The following TRPM3 variants were observed in gnomAD, a reference collection of about 807,000 sequenced individuals.
TRPM3 encodes the protein long transient receptor potential channel 3.
A neutral mutation model predicts 181.2 loss-of-function variants in TRPM3; 77 were observed. That is an observed-to-expected ratio of 0.42 (90% CI 0.35 to 0.51). TRPM3 has a LOEUF of 0.51. TRPM3 is among the 20% of genes least tolerant of loss of function. The pLI, the probability that TRPM3 is intolerant of heterozygous loss-of-function variation, is 0.01. For missense variants in TRPM3, 1,759 were observed against 2,196.7 expected (o/e 0.80, Z 3.98); for synonymous variants, 745 against 796.4 (o/e 0.94, Z 1.09).
chr9:71,327,568 C>T (rs1200605035), intron 1 of TRPM3, among the ~76,000 whole-genome samples: 1 of 152,166 alleles, frequency 6.6e-6, no homozygotes, highest in Non-Finnish European at 1.5e-5. Flanking sequence ...CAATACAAAT[C>T]ACGTAATGGT....
chr9:71,304,579 A>G (rs2087088711), intron 1 of TRPM3, among the ~76,000 whole-genome samples: 1 of 152,172 alleles, frequency 6.6e-6, no homozygotes, highest in South Asian at 2.1e-4. Flanking sequence ...ATTAAGCCTA[A>G]ATGAATTATT....
chr9:70,661,622 A>G (rs1037260850), intron 9 of TRPM3, among the ~76,000 whole-genome samples: 2 of 152,182 alleles, frequency 1.3e-5, no homozygotes, highest in Non-Finnish European at 2.9e-5. Flanking sequence ...TACAAAAATC[A>G]GTAACACTGG....
At chr9:71,008,256 C>T (rs759234106) in intron 1 of TRPM3, among the ~76,000 whole-genome samples, 1 of 151,796 alleles carries the variant, frequency 6.6e-6, no homozygotes, top group Non-Finnish European at 1.5e-5. Context: ...TAACGAGTAA[C>T]AAGAATGAAG....
chr9:70,796,690 A>G lies in TRPM3; in HGVS notation c.974-12411T>C, dbSNP rs1299322641. 2.0e-5 allele frequency among the ~76,000 whole-genome samples: 3 copies of G among 152,272 alleles called. No homozygotes were observed. The East Asian group carries it at 5.8e-4, about 29-fold the overall frequency. ...TTTGAAGTTTTATCACATTAATTAC[A>G]TGAGTAATGACTTTTGATGTGGGTT... On this transcript the variant is annotated intron_variant, in intron 6 of 25. Transcript: ENST00000677713.
At chr9:70,958,372 T>C (rs963440754) in intron 1 of TRPM3, among the ~76,000 whole-genome samples, 3 of 152,200 alleles carry the variant, frequency 2.0e-5, no homozygotes, top group African/African-American at 7.2e-5. Context: ...TTATAACATA[T>C]AGCAACTAGT....
At chr9:71,179,170 A>T (rs568513597) in intron 1 of TRPM3, among the ~76,000 whole-genome samples, 1 of 152,294 alleles carries the variant, frequency 6.6e-6, no homozygotes, top group African/African-American at 2.4e-5. Context: ...AACACAACTG[A>T]AACAGAATAA....
intron 4 of TRPM3, among the ~76,000 whole-genome samples, chr9:70,844,846 T>C (rs1385235447): frequency 6.6e-6 from 1 of 152,232 alleles, no homozygotes; most frequent in Non-Finnish European, 1.5e-5. Flanking sequence ...CTTTTGAACC[T>C]GTAGAACCCT....
At chr9:71,358,473 T>C (rs1050377068) in intron 1 of TRPM3, among the ~76,000 whole-genome samples, 8 of 152,132 alleles carry the variant, frequency 5.3e-5, no homozygotes, top group African/African-American at 1.9e-4. Flanking sequence ...GTCTACCCTA[T>C]TGATTGGTTA....
intron 7 of TRPM3, among the ~76,000 whole-genome samples, chr9:70,763,466 C>G (rs2078532361): frequency 6.6e-6 from 1 of 152,046 alleles, no homozygotes; most frequent in South Asian, 2.1e-4. Context: ...CACACCACTG[C>G]ACTCCAGCCT....
intron 8 of TRPM3, among the ~76,000 whole-genome samples, chr9:70,751,766 G>A (rs1326360284): frequency 6.6e-6 from 1 of 152,050 alleles, no homozygotes; most frequent in Non-Finnish European, 1.5e-5. Context: ...GCAAAGTGAT[G>A]GGATGTGTTG....
chr9:70,621,415 A>T, intron 14 of TRPM3, 142 bp from the exon 15 acceptor site: 1 of 459,220 alleles, frequency 2.2e-6, no homozygotes, highest in East Asian at 4.4e-5. Flanking sequence ...CCTGAGTTGG[A>T]GTGTAGAGGC....
chr9:71,417,192 T>C (rs2093649437), intron 1 of TRPM3, among the ~76,000 whole-genome samples: 1 of 151,982 alleles, frequency 6.6e-6, no homozygotes, highest in South Asian at 2.1e-4. Flanking sequence ...TATATGCACG[T>C]TAAACTTTAT....
intron 1 of TRPM3, among the ~76,000 whole-genome samples, chr9:71,242,912 A>T (rs2081800470): frequency 6.6e-6 from 1 of 152,140 alleles, no homozygotes; most frequent in Non-Finnish European, 1.5e-5. Flanking sequence ...GTTAAACATA[A>T]GTCATTTTGC....
chr9:71,392,231 A>G (rs1209792792), intron 1 of TRPM3, among the ~76,000 whole-genome samples: 2 of 152,138 alleles, frequency 1.3e-5, no homozygotes, highest in Admixed American at 6.6e-5. Flanking sequence ...ACATTTTCAG[A>G]TGTGAATTGG....
intron 8 of TRPM3, among the ~76,000 whole-genome samples, chr9:70,738,070 C>T (rs1033993604): frequency 6.6e-5 from 10 of 152,072 alleles, no homozygotes; most frequent in Admixed American, 1.3e-4. Flanking sequence ...GCAGACTATA[C>T]GTTCTATTCA....
chr9:71,202,898 G>T (rs2078894232), intron 1 of TRPM3, among the ~76,000 whole-genome samples: 3 of 152,160 alleles, frequency 2.0e-5, no homozygotes, highest in African/African-American at 4.8e-5. Flanking sequence ...TCTCTCATGG[G>T]TATTAGAAAA....
intron 1 of TRPM3, among the ~76,000 whole-genome samples, chr9:70,992,787 A>C (rs2097501555): frequency 6.6e-6 from 1 of 152,214 alleles, no homozygotes; most frequent in Non-Finnish European, 1.5e-5. Context: ...AGTGTGAATA[A>C]ATAAATCAGA....
intron 1 of TRPM3, among the ~76,000 whole-genome samples, chr9:71,201,123 T>A (rs1414875378): frequency 1.3e-5 from 2 of 151,720 alleles, no homozygotes; most frequent in East Asian, 1.9e-4. Flanking sequence ...TATTTCTCCT[T>A]CACTTATGAA....
In TRPM3 at chr9:70,927,668, C is replaced by A. The variant is rs149170336; in HGVS notation, c.178-63157G>T. ...TCTTCTAGCATTTCTCTTAGGCCTGCGCACAGAGTCTGCAGTGCCCTGTTT... is the reference window on the plus strand; with the variant it reads ...TCTTCTAGCATTTCTCTTAGGCCTGAGCACAGAGTCTGCAGTGCCCTGTTT... On this transcript the variant is annotated intron_variant, in intron 1 of 25. Coordinates refer to ENST00000677713, the MANE Select transcript of TRPM3 (RefSeq NM_001366145.2). Among the ~76,000 whole-genome samples the A allele has an allele frequency of 5.4e-3, 818 of 152,256 alleles. 3 individuals are homozygous for A. The highest frequency in any genetic ancestry group is 0.02 in the Middle Eastern group (6 of 294).
Sources: gnomAD v4.1 joint callset for allele counts (sites outside exome capture counted in the v4.1 genomes callset) on GRCh38, gnomAD v4.1.1 for gene constraint, MANE v1.5 for transcripts, NCBI Gene and HGNC (gene_info 2026-07-23, HGNC 2026-07-21) for gene names.